The following TIAM2 variants were observed in gnomAD, a reference collection of about 807,000 sequenced individuals.
TIAM2 encodes the protein rho guanine nucleotide exchange factor TIAM2.
A neutral mutation model predicts 152.9 loss-of-function variants in TIAM2; 80 were observed. The ratio of observed to expected loss-of-function variants is 0.52; its 90% CI spans 0.44 to 0.63. TIAM2 has a LOEUF of 0.63. Among genes scored for constraint, TIAM2 ranks in the 30% least tolerant of loss-of-function variants. The pLI is 0.00. For missense variants in TIAM2, 1,965 were observed against 2,120.1 expected (o/e 0.93, Z 1.44); for synonymous variants, 804 against 838.0 (o/e 0.96, Z 0.70).
At chr6:155,154,336 T>C (rs1309007558) in intron 7 of TIAM2, among the ~76,000 whole-genome samples, 1 of 152,118 alleles carries the variant, frequency 6.6e-6, no homozygotes, top group Non-Finnish European at 1.5e-5. Context: ...AGTACGTGGG[T>C]GGAGAAGATC....
chr6:155,005,141 C>T, intron 1 of TIAM2: 1 of 235,232 alleles, frequency 4.3e-6, no homozygotes, highest in Non-Finnish European at 9.1e-6. Flanking sequence ...AGCCTGGCAG[C>T]CTGAGGAGGG....
Position 155,183,397 on chromosome 6 carries a change from C to G in TIAM2, c.2961C>G (p.Asp987Glu), listed in dbSNP as rs557152978. 17 of 1,614,164 alleles carry G rather than the reference C, an allele frequency of 1.1e-5. No homozygotes were observed. Among genetic ancestry groups the G allele is most frequent in the South Asian group, 4.4e-5 (4 of 91,086 alleles). ...TKATLCTSWSDSDLFSRDQKS... is the reference protein window; with the variant it reads ...TKATLCTSWSESDLFSRDQKS... ...CAACCCTGTGTACATCCTGGTCAGACAGTGACCTGTTCTCCAGGGACCAGA... is the reference window on the plus strand; with the variant it reads ...CAACCCTGTGTACATCCTGGTCAGAGAGTGACCTGTTCTCCAGGGACCAGA... The change falls in exon 14 of 27, where the codon GAC becomes GAG. Residue 987 changes from aspartate (D) to glutamate (E), a missense_variant. This residue lies in a region of TIAM2 where 935 missense variants were observed against 980.0 expected (regional missense o/e 0.95). Coordinates refer to ENST00000682666, the MANE Select transcript of TIAM2 (RefSeq NM_012454.4).
intron 2 of TIAM2, among the ~76,000 whole-genome samples, chr6:155,107,118 G>T (rs796582796): frequency 6.6e-6 from 1 of 151,784 alleles, no homozygotes; most frequent in East Asian, 1.9e-4. Flanking sequence ...TCTTATTAAC[G>T]AACAGACCCC....
At chr6:155,250,705 C>A in intron 21 of TIAM2, 2 of 1,309,360 alleles carry the variant, frequency 1.5e-6, no homozygotes, top group Non-Finnish European at 2.1e-6. Flanking sequence ...AAAATGCCTT[C>A]ACCTTTATGT....
intron 1 of TIAM2, among the ~76,000 whole-genome samples, chr6:155,005,656 CTTT>C (rs1158345350): frequency 1.6e-5 from 2 of 126,568 alleles, no homozygotes; most frequent in Non-Finnish European, 3.4e-5. Flanking sequence ...GAATTCTTTA[CTTT>C]TTTTTTTTTT....
In TIAM2 at chr6:155,198,555, G is replaced by A. The variant is rs139583104; in HGVS notation, c.3065-12649G>A. On this transcript the variant is annotated intron_variant, in intron 14 of 26. Transcript: ENST00000682666. ...CGTATGCCTGTAATCCCAGCTACTC[G>A]GAAGGCTGAGGCAGGGGAATCACTT... 1.5e-3 allele frequency among the ~76,000 whole-genome samples: 229 copies of A among 151,068 alleles called. 1 individual carries two copies. Among genetic ancestry groups the A allele is most frequent in the African/African-American group, 5.3e-3 (216 of 41,048 alleles).
Position 155,182,326 on chromosome 6 carries a change from TG to T in TIAM2, c.2800+10del, listed in dbSNP as rs1242341772. On this transcript the variant is annotated intron_variant, in intron 13 of 26. Coordinates refer to ENST00000682666, the MANE Select transcript of TIAM2 (RefSeq NM_012454.4). Reference sequence around the variant, plus strand: ...GCCTGGCGTATGGGGAAGGTCCGTGTGGCACACCGTGCCCCTGTTGCCTCTT... The same window carrying T: ...GCCTGGCGTATGGGGAAGGTCCGTGTGCACACCGTGCCCCTGTTGCCTCTT... The T allele has an allele frequency of 6.2e-7, 1 of 1,610,606 alleles. No homozygotes were observed. Among genetic ancestry groups the T allele is most frequent in the Non-Finnish European group, 8.5e-7 (1 of 1,176,980 alleles).
chr6:155,172,678 A>G (rs1275659801), intron 9 of TIAM2, among the ~76,000 whole-genome samples: 305 of 13,940 alleles, frequency 0.022, 5 homozygotes, highest in Admixed American at 0.059. Flanking sequence ...ATATATATAT[A>G]TATATATATT....
chr6:155,113,240 G>A (rs1028925444), intron 2 of TIAM2, among the ~76,000 whole-genome samples: 10 of 151,940 alleles, frequency 6.6e-5, no homozygotes, highest in Non-Finnish European at 1.5e-5. Context: ...TGTTGCCCCT[G>A]CCCACGGTGC....
At chr6:155,031,864 G>C (rs2114891314) in intron 1 of TIAM2, among the ~76,000 whole-genome samples, 1 of 152,154 alleles carries the variant, frequency 6.6e-6, no homozygotes. Context: ...CTTACTTTTG[G>C]GTAGAATCAA....
chr6:155,122,461 A>G (rs1779181945), intron 2 of TIAM2, among the ~76,000 whole-genome samples: 1 of 142,018 alleles, frequency 7.0e-6, no homozygotes, highest in Admixed American at 6.9e-5. Context: ...GGGGATTGGG[A>G]AGGAATGGAG....
intron 1 of TIAM2, among the ~76,000 whole-genome samples, chr6:155,039,284 A>G (rs1776977558): frequency 6.6e-6 from 1 of 152,006 alleles, no homozygotes; most frequent in African/African-American, 2.4e-5. Flanking sequence ...AGAAAAAAAA[A>G]TATGTTTTGG....
intron 1 of TIAM2, among the ~76,000 whole-genome samples, chr6:155,082,525 T>C (rs1431351470): frequency 6.6e-6 from 1 of 151,740 alleles, no homozygotes; most frequent in East Asian, 2.0e-4. Context: ...TGGCACACAC[T>C]TGTAATCTCA....
intron 1 of TIAM2, among the ~76,000 whole-genome samples, chr6:155,023,797 C>T (rs890513382): frequency 2.6e-5 from 4 of 152,062 alleles, no homozygotes; most frequent in African/African-American, 9.7e-5. Context: ...TTAAATTGTG[C>T]GCTCCGTAAA....
chr6:155,141,493 G>A (rs190398540), intron 5 of TIAM2, among the ~76,000 whole-genome samples: 5 of 152,208 alleles, frequency 3.3e-5, no homozygotes, highest in South Asian at 2.1e-4. Flanking sequence ...GGAGAGAGCC[G>A]TTATTAACAA....
At chr6:155,009,200 C>T (rs1778447203) in intron 1 of TIAM2, among the ~76,000 whole-genome samples, 4 of 142,324 alleles carry the variant, frequency 2.8e-5, no homozygotes, top group African/African-American at 7.8e-5. Flanking sequence ...CTCCAGGGTT[C>T]GGGCGATTCT....
intron 9 of TIAM2, among the ~76,000 whole-genome samples, chr6:155,172,674 ATATATATATATATTTTTTTTTTTT>A (rs1436819607): frequency 7.5e-5 from 1 of 13,260 alleles, no homozygotes; most frequent in Non-Finnish European, 1.2e-4. Context: ...ATATATATAT[ATATATATATATATTTTTTTTTTTT>A]TTTTTTTTTT....
At chr6:155,091,257 G>A (rs967221734) in intron 2 of TIAM2, among the ~76,000 whole-genome samples, 1 of 152,106 alleles carries the variant, frequency 6.6e-6, no homozygotes, top group Non-Finnish European at 1.5e-5. Flanking sequence ...GTCCCTCACT[G>A]ATCGTTTTCT....
In TIAM2 at chr6:155,257,190, CAAAAAAAAAA is replaced by C. The variant is rs11455127; in HGVS notation, c.*81_*90del. 1.8e-6 allele frequency: 1 copy of C among 543,898 alleles called. No individual in the cohort carries two copies. Among genetic ancestry groups the C allele is most frequent in the Non-Finnish European group, 2.8e-6 (1 of 358,878 alleles). 33.7% of individuals were successfully genotyped at this position (543,898 alleles called of 1,614,324 possible). ...TAAACTGGTGGTAAAGTGGAAATTG[CAAAAAAAAAA>C]AAAAAAAAAAACTGTTCATTCCTGG... On this transcript the variant is annotated 3_prime_UTR_variant, in exon 27 of 27. Coordinates refer to ENST00000682666, the MANE Select transcript of TIAM2 (RefSeq NM_012454.4).
Sources: allele counts gnomAD v4.1 joint callset (sites outside exome capture counted in the v4.1 genomes callset), GRCh38; gene constraint gnomAD v4.1.1; regional missense constraint gnomAD v4.1.1; transcripts MANE v1.5; gene names NCBI Gene and HGNC (gene_info 2026-07-23, HGNC 2026-07-21).